Variants in SLC35F4 observed in about 807,000 individuals in gnomAD.
SLC35F4 encodes chromosome 14 open reading frame 36.
A neutral mutation model predicts 44.2 loss-of-function variants in SLC35F4; 24 were observed. The observed-to-expected ratio is 0.54, with a 90% CI of 0.39 to 0.76. The LOEUF (loss-of-function observed/expected upper bound fraction) is 0.76. SLC35F4 is among the 30% of genes least tolerant of loss of function. The probability of loss-of-function intolerance (pLI) is 0.00; values close to 1 mark genes in which losing one functional copy is unlikely to be tolerated. For missense variants in SLC35F4, 562 were observed against 586.1 expected (o/e 0.96, Z 0.42); for synonymous variants, 238 against 223.6 (o/e 1.06, Z -0.57).
chr14:57,903,722 A>G (rs1889054762), intron 1 of SLC35F4, among the ~76,000 whole-genome samples: 1 of 152,284 alleles, frequency 6.6e-6, no homozygotes, highest in African/African-American at 2.4e-5. Context: ...AAAGTGCAAT[A>G]GCAAGAAATC....
chr14:57,735,711 A>T (rs1092013), intron 1 of SLC35F4, among the ~76,000 whole-genome samples: 35,974 of 151,340 alleles, frequency 0.24, 7,355 homozygotes, highest in African/African-American at 0.56. Context: ...ACTCCAACAT[A>T]GCCACCCCCT....
chr14:57,627,877 G>A (rs1289596752), intron 1 of SLC35F4, among the ~76,000 whole-genome samples: 1 of 151,840 alleles, frequency 6.6e-6, no homozygotes, highest in Non-Finnish European at 1.5e-5. Context: ...CGAGTCAAAA[G>A]GACTGACAAT....
chr14:57,678,017 A>G (rs1052929089), intron 1 of SLC35F4, among the ~76,000 whole-genome samples: 1 of 152,120 alleles, frequency 6.6e-6, no homozygotes, highest in Non-Finnish European at 1.5e-5. Context: ...CAGGAAATAC[A>G]GAGAATATCA....
At chr14:57,703,931 C>G (rs1019876728) in intron 1 of SLC35F4, among the ~76,000 whole-genome samples, 124 of 152,090 alleles carry the variant, frequency 8.2e-4, no homozygotes, top group African/African-American at 2.9e-3. Context: ...GAAAATGAAC[C>G]TCTGGGATGA....
At chr14:57,671,493 C>A (rs1021144104) in intron 1 of SLC35F4, among the ~76,000 whole-genome samples, 30 of 152,094 alleles carry the variant, frequency 2.0e-4, no homozygotes, top group African/African-American at 7.2e-4. Flanking sequence ...CAGAAGGGAA[C>A]CCACTGACTT....
intron 1 of SLC35F4, among the ~76,000 whole-genome samples, chr14:57,901,562 A>G (rs1023658729): frequency 1.4e-4 from 22 of 152,262 alleles, no homozygotes; most frequent in African/African-American, 5.3e-4. Flanking sequence ...CAGGAAGAAT[A>G]GCTAATGGAT....
At chr14:57,583,697 C>A (rs954007304) in intron 3 of SLC35F4, among the ~76,000 whole-genome samples, 1 of 152,190 alleles carries the variant, frequency 6.6e-6, no homozygotes, top group African/African-American at 2.4e-5. Context: ...CTTTCCCCTT[C>A]TCTCACTGCC....
At chr14:57,823,343 C>G (rs1883380292) in intron 1 of SLC35F4, among the ~76,000 whole-genome samples, 1 of 152,164 alleles carries the variant, frequency 6.6e-6, no homozygotes, top group Middle Eastern at 3.2e-3. Flanking sequence ...GATCACCTAC[C>G]CTGTCCTCAT....
intron 1 of SLC35F4, among the ~76,000 whole-genome samples, chr14:57,720,985 T>TATATATATATATATAC (rs2076072231): frequency 8.9e-6 from 1 of 112,270 alleles, no homozygotes; most frequent in Non-Finnish European, 1.9e-5. Flanking sequence ...TCCTCATATA[T>TATATATATATATATAC]ATATATATAT....
intron 1 of SLC35F4, among the ~76,000 whole-genome samples, chr14:57,665,579 G>A (rs893223233): frequency 1.3e-5 from 2 of 152,156 alleles, no homozygotes; most frequent in Non-Finnish European, 2.9e-5. Context: ...TATACTAAAT[G>A]TATTTCTTCA....
intron 1 of SLC35F4, among the ~76,000 whole-genome samples, chr14:57,943,152 T>C (rs1446242578): frequency 6.6e-6 from 1 of 152,216 alleles, no homozygotes; most frequent in Non-Finnish European, 1.5e-5. Flanking sequence ...TATTACTGTA[T>C]TGCTTTTTCC....
intron 1 of SLC35F4, among the ~76,000 whole-genome samples, chr14:57,911,367 C>G (rs1029313022): frequency 1.3e-5 from 2 of 151,960 alleles, no homozygotes; most frequent in African/African-American, 2.4e-5. Context: ...TGTTCCTCAT[C>G]TTAGTGAGAA....
chr14:57,944,037 C>T (rs1243999331), intron 1 of SLC35F4, among the ~76,000 whole-genome samples: 1 of 152,102 alleles, frequency 6.6e-6, no homozygotes, highest in Non-Finnish European at 1.5e-5. Flanking sequence ...CACAACTCAA[C>T]CCCCTCCCCA....
intron 1 of SLC35F4, among the ~76,000 whole-genome samples, chr14:57,825,262 C>T (rs1595150176): frequency 1.3e-5 from 2 of 152,198 alleles, no homozygotes; most frequent in Admixed American, 6.5e-5. Flanking sequence ...TTTGTTTAAA[C>T]AGCAAAAATG....
chr14:57,783,346 A>G (rs1041717529), intron 1 of SLC35F4, among the ~76,000 whole-genome samples: 1 of 152,234 alleles, frequency 6.6e-6, no homozygotes, highest in East Asian at 1.9e-4. Context: ...TATTGAAGAA[A>G]AAGGATAACT....
At chr14:57,920,273 A>C (rs922841989) in intron 1 of SLC35F4, among the ~76,000 whole-genome samples, 1 of 152,204 alleles carries the variant, frequency 6.6e-6, no homozygotes, top group Non-Finnish European at 1.5e-5. Context: ...AAACATTAAT[A>C]AGAATATACA....
At chr14:57,644,106 G>A (rs1003692709) in intron 1 of SLC35F4, among the ~76,000 whole-genome samples, 33 of 152,146 alleles carry the variant, frequency 2.2e-4, no homozygotes, top group Non-Finnish European at 2.4e-4. Context: ...ATAGCAGCAC[G>A]ATTTATAATT....
At chr14:57,899,868 A>G (rs1463000589) in intron 1 of SLC35F4, among the ~76,000 whole-genome samples, 1 of 152,166 alleles carries the variant, frequency 6.6e-6, no homozygotes, top group Non-Finnish European at 1.5e-5. Flanking sequence ...GCACGGACCC[A>G]AAGTGTGAGT....
chr14:57,852,043 G>A (rs143717539), intron 1 of SLC35F4, among the ~76,000 whole-genome samples: 2,325 of 152,258 alleles, frequency 0.015, 38 homozygotes, highest in Middle Eastern at 0.027. Context: ...CTGGTCATAC[G>A]GTGCTGAACG....
Sources: gnomAD v4.1 joint callset for allele counts (sites outside exome capture counted in the v4.1 genomes callset) on GRCh38, gnomAD v4.1.1 for gene constraint, MANE v1.5 for transcripts, NCBI Gene and HGNC (gene_info 2026-07-23, HGNC 2026-07-21) for gene names.